The following CNBD2 variants were observed in gnomAD, a reference collection of about 807,000 sequenced individuals.
The protein encoded by CNBD2 is cyclic nucleotide binding domain containing 2.
A neutral mutation model predicts 63.7 loss-of-function variants in CNBD2; 64 were observed. The observed-to-expected ratio is 1.00, with a 90% CI of 0.82 to 1.24. CNBD2 has a LOEUF of 1.24. Among genes scored for constraint, CNBD2 ranks in the 50% most tolerant of loss-of-function variants. CNBD2 has a pLI of 0.00. For synonymous variants in CNBD2, 229 were observed against 255.4 expected (o/e 0.90, Z 0.99); for missense variants, 691 against 713.5 (o/e 0.97, Z 0.36).
At chr20:35,965,183 CTT>C (rs369573397), upstream of CNBD2, among the ~76,000 whole-genome samples, 14 of 138,026 alleles carry the variant, frequency 1.0e-4, no homozygotes, top group African/African-American at 1.1e-4. Context: ...CCCTCTCTCT[CTT>C]TTTTTTTTTT....
At chr20:36,027,993 C>A (rs772621744) in intron 11 of CNBD2, among the ~76,000 whole-genome samples, 11 of 152,096 alleles carry the variant, frequency 7.2e-5, no homozygotes, top group Admixed American at 1.3e-4. Context: ...ATTTAAAGAG[C>A]AGATGATATG....
At chr20:36,021,442 T>G (rs1042788351) in intron 10 of CNBD2, among the ~76,000 whole-genome samples, 1 of 152,190 alleles carries the variant, frequency 6.6e-6, no homozygotes, top group Non-Finnish European at 1.5e-5. Flanking sequence ...AGAATATGCA[T>G]GTATTTATTT....
At chr20:35,972,477 A>G in intron 1 of CNBD2, 152 bp from the exon 2 acceptor site, 1 of 704,784 alleles carries the variant, frequency 1.4e-6, no homozygotes, top group Non-Finnish European at 2.3e-6. Flanking sequence ...AGGCTTGCAA[A>G]ATTCCTGAAA....
At chr20:36,004,211 G>C (rs2056953835) in intron 8 of CNBD2, among the ~76,000 whole-genome samples, 1 of 152,186 alleles carries the variant, frequency 6.6e-6, no homozygotes, top group Admixed American at 6.5e-5. Flanking sequence ...AGGAGGTGGG[G>C]TTCACTGGTG....
chr20:36,008,501 G>T, intron 9 of CNBD2, 27 bp downstream of exon 9: 1 of 1,581,920 alleles, frequency 6.3e-7, no homozygotes. Context: ...GCAGATAGAC[G>T]GGTCCAGATT....
chr20:35,964,997 G>A (rs1343868531), upstream of CNBD2, among the ~76,000 whole-genome samples: 2 of 152,014 alleles, frequency 1.3e-5, no homozygotes, highest in Non-Finnish European at 2.9e-5. Flanking sequence ...CACCATGCCC[G>A]GCCTCATATA....
chr20:35,995,195 C>A (rs769030188), intron 8 of CNBD2, 43 bp downstream of exon 8: 6 of 1,370,626 alleles, frequency 4.4e-6, no homozygotes, highest in Middle Eastern at 1.8e-4. Flanking sequence ...GCGCCTGGGC[C>A]TGTCCTGTTT....
At chr20:35,965,300 C>G (rs1021423400), upstream of CNBD2, among the ~76,000 whole-genome samples, 1 of 151,718 alleles carries the variant, frequency 6.6e-6, no homozygotes, top group Non-Finnish European at 1.5e-5. Context: ...GCCTCAGCCT[C>G]CCGAGTAGCT....
intron 10 of CNBD2, among the ~76,000 whole-genome samples, chr20:36,023,391 A>G (rs751259035): frequency 1.3e-4 from 20 of 152,158 alleles, no homozygotes; most frequent in Non-Finnish European, 2.5e-4. Context: ...GCATGCCTGT[A>G]ATCCCAGCTA....
Position 36,017,449 on chromosome 20 carries a change from G to A in CNBD2, c.1270-6153G>A, listed in dbSNP as rs139049999. ...CACCAGCCTGTATGTCCTCAGGGCTGGGAAGGTCAGTCCAGTACTGTCTGG... is the reference window on the plus strand; with the variant it reads ...CACCAGCCTGTATGTCCTCAGGGCTAGGAAGGTCAGTCCAGTACTGTCTGG... On this transcript the variant is annotated intron_variant, in intron 10 of 11. Coordinates refer to ENST00000373973, the MANE Select transcript of CNBD2 (RefSeq NM_001365709.1). Among the ~76,000 whole-genome samples the A allele has an allele frequency of 4.3e-4, 65 of 152,242 alleles. 1 individual carries two copies. The highest frequency in any genetic ancestry group is 1.3e-3 in the African/African-American group (53 of 41,558).
intron 8 of CNBD2, among the ~76,000 whole-genome samples, chr20:36,002,132 C>T (rs1008452345): frequency 2.2e-4 from 34 of 152,240 alleles, no homozygotes; most frequent in East Asian, 1.9e-4. Context: ...AGCCGGACTC[C>T]GTCTGCAATC....
chr20:35,954,415 A>T (rs772723312), upstream of CNBD2: 6 of 1,552,564 alleles, frequency 3.9e-6, no homozygotes, highest in Non-Finnish European at 5.2e-6. Context: ...AGGGAGTCGG[A>T]CTCGGGACCG....
chr20:35,975,363 C>A (rs1451525273), intron 2 of CNBD2, among the ~76,000 whole-genome samples: 1 of 115,538 alleles, frequency 8.7e-6, no homozygotes, highest in Non-Finnish European at 1.9e-5. Context: ...TGCAGTGGCG[C>A]GATCTCGGCT....
chr20:35,979,463 G>C, intron 3 of CNBD2, among the ~76,000 whole-genome samples: 1 of 152,240 alleles, frequency 6.6e-6, no homozygotes, highest in Non-Finnish European at 1.5e-5. Flanking sequence ...TTGCTATGTT[G>C]CCTAGGCTGG....
chr20:36,028,423 C>T (rs2057305993), intron 11 of CNBD2, among the ~76,000 whole-genome samples: 1 of 152,092 alleles, frequency 6.6e-6, no homozygotes, highest in African/African-American at 2.4e-5. Flanking sequence ...AAATCCCTCA[C>T]GTTTTAACCG....
rs764725888 is a variant in CNBD2 at position 35,984,609 on chromosome 20, G to GCCCTTA, written c.565-14_565-13insTACCCT. The GCCCTTA allele has an allele frequency of 8.7e-6, 14 of 1,612,988 alleles. No homozygotes were observed. Among genetic ancestry groups the GCCCTTA allele is most frequent in the Non-Finnish European group, 1.0e-5 (12 of 1,179,516 alleles). ...TGGAGGTGGCCTCACACTTGCCCTTGCCCTGTCCACCCAACAGGAAATGGA... is the reference window on the plus strand; with the variant it reads ...TGGAGGTGGCCTCACACTTGCCCTTGCCCTTACCCTGTCCACCCAACAGGAAATGGA... On this transcript the variant is annotated splice_polypyrimidine_tract_variant and intron_variant, in intron 5 of 11. Transcript: ENST00000373973.
At chr20:36,023,793 A>G in intron 11 of CNBD2, 22 bp downstream of exon 11, 2 of 1,557,444 alleles carry the variant, frequency 1.3e-6, no homozygotes, top group Non-Finnish European at 1.7e-6. Flanking sequence ...AAATGTGCGT[A>G]AGTCCCATCA....
downstream of CNBD2, chr20:35,957,775 G>A (rs1396916492): frequency 1.3e-5 from 2 of 152,236 alleles, no homozygotes; most frequent in Non-Finnish European, 2.9e-5. Context: ...AAGAAAGCTA[G>A]TAAGTGGTTT....
intron 11 of CNBD2, among the ~76,000 whole-genome samples, chr20:36,027,921 C>A (rs537911711): frequency 6.6e-6 from 1 of 152,258 alleles, no homozygotes; most frequent in East Asian, 1.9e-4. Context: ...CCACCTCGGC[C>A]TCCCAAAGTG....
Sources: allele counts gnomAD v4.1 joint callset (sites outside exome capture counted in the v4.1 genomes callset), GRCh38; gene constraint gnomAD v4.1.1; transcripts MANE v1.5; gene names NCBI Gene and HGNC (gene_info 2026-07-23, HGNC 2026-07-21).